ANAPC10: variants seen among roughly 807,000 people sequenced by gnomAD.
The protein encoded by ANAPC10 is anaphase-promoting complex subunit 10.
In ANAPC10, 12 loss-of-function variants were observed where a neutral mutation model predicts 22.0. The observed-to-expected ratio is 0.55, with a 90% CI of 0.35 to 0.88. ANAPC10 has a LOEUF of 0.88. Ranked by LOEUF, ANAPC10 falls within the 40% of genes least tolerant of loss-of-function variation. The probability of loss-of-function intolerance (pLI) is 0.01; values close to 1 mark genes in which losing one functional copy is unlikely to be tolerated. For synonymous variants in ANAPC10, 65 were observed against 69.5 expected, an observed-to-expected ratio of 0.94 and a Z score of 0.32; for missense variants, 188 against 220.9, an observed-to-expected ratio of 0.85 and a Z score of 0.94.
At chr4:145,017,363 G>GA (rs1173116750) in intron 4 of ANAPC10, among the ~76,000 whole-genome samples, 4 of 152,192 alleles carry the variant, frequency 2.6e-5, no homozygotes, top group Non-Finnish European at 5.9e-5. Context: ...ACAGACACAT[G>GA]AAAAAATGCT....
chr4:145,089,140 T>G (rs1426226275), intron 2 of ANAPC10, among the ~76,000 whole-genome samples: 58 of 152,206 alleles, frequency 3.8e-4, no homozygotes, highest in Admixed American at 3.7e-3. Flanking sequence ...TATTGCTGTC[T>G]TATTTTCTGC....
At chr4:145,022,317 T>TG (rs926186161) in intron 4 of ANAPC10, among the ~76,000 whole-genome samples, 6 of 152,100 alleles carry the variant, frequency 3.9e-5, no homozygotes, top group African/African-American at 1.4e-4. Context: ...GTATACATGG[T>TG]GGGATACTAC....
chr4:145,097,198 T>C, intron 1 of ANAPC10: 1 of 331,708 alleles, frequency 3.0e-6, no homozygotes, highest in Non-Finnish European at 5.9e-6. Context: ...CAAGACACTG[T>C]CCCAAAAAGC....
intron 4 of ANAPC10, among the ~76,000 whole-genome samples, chr4:145,000,062 T>C (rs1004714779): frequency 3.3e-5 from 5 of 152,174 alleles, no homozygotes; most frequent in African/African-American, 7.2e-5. Flanking sequence ...TCAAGATGGA[T>C]TAAAGACTTA....
intron 4 of ANAPC10, among the ~76,000 whole-genome samples, chr4:144,999,483 T>C (rs933275692): frequency 1.3e-5 from 2 of 152,038 alleles, no homozygotes; most frequent in African/African-American, 4.8e-5. Flanking sequence ...TTACAAGGGA[T>C]GTGAAGGAGA....
chr4:145,012,829 T>G (rs1734559480), intron 4 of ANAPC10, among the ~76,000 whole-genome samples: 1 of 152,166 alleles, frequency 6.6e-6, no homozygotes, highest in Non-Finnish European at 1.5e-5. Context: ...TTTGGGTCTG[T>G]GTCCCTGCCC....
At chr4:145,061,925 T>C (rs1742950908) in intron 4 of ANAPC10, among the ~76,000 whole-genome samples, 1 of 151,650 alleles carries the variant, frequency 6.6e-6, no homozygotes, top group South Asian at 2.1e-4. Context: ...CTGGCCAACA[T>C]GGCAAAACCC....
At chr4:145,001,243 G>A (rs1028413727) in intron 4 of ANAPC10, among the ~76,000 whole-genome samples, 1 of 134,494 alleles carries the variant, frequency 7.4e-6, no homozygotes, top group Non-Finnish European at 1.6e-5. Flanking sequence ...AGGGAGTGAG[G>A]GAGGGAGGGA....
intron 2 of ANAPC10, among the ~76,000 whole-genome samples, chr4:145,086,443 C>T (rs558719671): frequency 2.0e-4 from 31 of 152,242 alleles, no homozygotes; most frequent in African/African-American, 7.0e-4. Context: ...TGCAGTGGTT[C>T]GTACAGTGTC....
At chr4:145,070,704 T>C (rs1342916134) in intron 3 of ANAPC10, among the ~76,000 whole-genome samples, 1 of 152,180 alleles carries the variant, frequency 6.6e-6, no homozygotes, top group Admixed American at 6.5e-5. Context: ...CCAATGTTCA[T>C]AACAGTATTA....
intron 4 of ANAPC10, among the ~76,000 whole-genome samples, chr4:145,043,174 CAG>C (rs1207039297): frequency 6.7e-6 from 1 of 150,168 alleles, no homozygotes; most frequent in Non-Finnish European, 1.5e-5. Flanking sequence ...AAGATGGAAA[CAG>C]TGTTAATACA....
chr4:145,047,363 G>T (rs914145789), intron 4 of ANAPC10, among the ~76,000 whole-genome samples: 1 of 152,124 alleles, frequency 6.6e-6, no homozygotes, highest in Non-Finnish European at 1.5e-5. Context: ...GTAAGCCAAG[G>T]TTAGAGAACT....
chr4:145,018,623 C>T (rs185692684), intron 4 of ANAPC10, among the ~76,000 whole-genome samples: 6 of 150,780 alleles, frequency 4.0e-5, no homozygotes, highest in Admixed American at 6.6e-5. Context: ...GGTGACAGAG[C>T]GAGACTCCAT....
chr4:145,097,369 T>C (rs1203939044), intron 1 of ANAPC10: 2 of 679,966 alleles, frequency 2.9e-6, no homozygotes, highest in Non-Finnish European at 4.5e-6. Flanking sequence ...CTAAGTCTAT[T>C]CATATGTGAA....
intron 4 of ANAPC10, among the ~76,000 whole-genome samples, chr4:145,009,213 C>T (rs911697509): frequency 1.3e-5 from 2 of 152,136 alleles, no homozygotes; most frequent in African/African-American, 4.8e-5. Flanking sequence ...ACATTCCATG[C>T]TCATGGATAG....
rs148595555 is a variant in ANAPC10 at position 145,057,719 on chromosome 4, T to C, written c.327+6853A>G. On this transcript the variant is annotated intron_variant, in intron 4 of 4. Transcript: ENST00000507656. ...ATTAATCTCATTATCTAAGTCCCTT[T>C]CTCTCTGCCCCTCCCCCTCAGAATG... 1.6e-3 allele frequency among the ~76,000 whole-genome samples: 238 copies of C among 152,232 alleles called. 1 individual carries two copies. Among genetic ancestry groups the C allele is most frequent in the African/African-American group, 5.1e-3 (210 of 41,546 alleles).
intron 4 of ANAPC10, among the ~76,000 whole-genome samples, chr4:145,054,646 CGCGCGCGCGT>C (rs1741739625): frequency 7.1e-6 from 1 of 141,834 alleles, no homozygotes; most frequent in Non-Finnish European, 1.5e-5. Context: ...TGTGTGCGCG[CGCGCGCGCGT>C]GCGTGCAGCG....
rs181158424 is a variant in ANAPC10, at chr4:145,068,271, T to C, written c.207-3579A>G. On this transcript the variant is annotated intron_variant, in intron 3 of 4. Transcript: ENST00000507656. ...GTGTCTGTATTACAGATGCAGAAAC[T>C]GAGGTTCACATCAGGTTAAGCAAGT... 5.9e-5 allele frequency among the ~76,000 whole-genome samples: 9 copies of C among 152,298 alleles called. No individual in the cohort carries two copies. The East Asian group carries it at 1.5e-3, about 26-fold the overall frequency.
intron 4 of ANAPC10, among the ~76,000 whole-genome samples, chr4:145,023,234 A>T (rs927158895): frequency 6.6e-6 from 1 of 152,168 alleles, no homozygotes; most frequent in Non-Finnish European, 1.5e-5. Flanking sequence ...AAACCAACAA[A>T]TAACAACAGG....
Sources: gnomAD v4.1 joint callset for allele counts (sites outside exome capture counted in the v4.1 genomes callset) on GRCh38, gnomAD v4.1.1 for gene constraint, MANE v1.5 for transcripts, NCBI Gene and HGNC (gene_info 2026-07-23, HGNC 2026-07-21) for gene names.